COL11A1: variants seen among roughly 807,000 people sequenced by gnomAD.
COL11A1 encodes the protein collagen alpha-1(XI) chain.
A neutral mutation model predicts 265.2 loss-of-function variants in COL11A1; 74 were observed. The ratio of observed to expected loss-of-function variants is 0.28; its 90% CI spans 0.23 to 0.34. COL11A1 has a LOEUF of 0.34. Ranked by LOEUF, COL11A1 falls within the 10% of genes least tolerant of loss-of-function variation. The pLI, the probability that COL11A1 is intolerant of heterozygous loss-of-function variation, is 1.00. For synonymous variants in COL11A1, 816 were observed against 727.6 expected (o/e 1.12, Z -1.96); for missense variants, 2,165 against 2,263.6 (o/e 0.96, Z 0.88).
intron 63 of COL11A1, among the ~76,000 whole-genome samples, chr1:102,884,779 C>T (rs1650751200): frequency 6.6e-6 from 1 of 152,142 alleles, no homozygotes; most frequent in Non-Finnish European, 1.5e-5. Flanking sequence ...AAGGTCAAAC[C>T]ATGCACTTGA....
chr1:102,878,135 C>T lies in COL11A1; in HGVS notation c.5305G>A (p.Glu1769Lys), dbSNP rs1240823477. 6.2e-7 allele frequency: 1 copy of T among 1,612,790 alleles called. No homozygotes were observed. The highest frequency in any genetic ancestry group is 1.7e-5 in the Admixed American group (1 of 59,908). The change falls in exon 67 of 67, where the codon GAA becomes AAA. Residue 1769 changes from glutamate to lysine, a missense_variant. Glu to Lys is a moderately conservative substitution (Grantham distance 56). Transcript: ENST00000370096. ...SRKGYEKTVI[E>K]INTPKIDQVP... ...TGATCAATTTTTGGTGTATTGATTT[C>T]AATGACAGTCTTTTCATAGCCTTTT...
At chr1:103,014,731 C>T in intron 12 of COL11A1, 137 bp from the exon 13 acceptor site, 1 of 728,482 alleles carries the variant, frequency 1.4e-6, no homozygotes, top group African/African-American at 1.7e-5. Flanking sequence ...CGTAATGAAT[C>T]ATGAGATCTA....
chr1:102,960,349 A>T (rs1208090429), intron 41 of COL11A1, among the ~76,000 whole-genome samples: 1 of 152,134 alleles, frequency 6.6e-6, no homozygotes, highest in Non-Finnish European at 1.5e-5. Context: ...GTGTGAGATG[A>T]TTACTGTGCT....
chr1:103,065,337 G>T (rs1460967041), intron 4 of COL11A1, among the ~76,000 whole-genome samples: 1 of 151,826 alleles, frequency 6.6e-6, no homozygotes, highest in Non-Finnish European at 1.5e-5. Flanking sequence ...CGGCTAACAC[G>T]GTGAAACCCC....
intron 4 of COL11A1, among the ~76,000 whole-genome samples, chr1:103,054,242 C>T (rs377487592): frequency 1.6e-4 from 24 of 152,120 alleles, no homozygotes; most frequent in African/African-American, 5.3e-4. Flanking sequence ...AGATTCCAGA[C>T]AATATTTTCA....
chr1:102,915,268 C>T lies in COL11A1; in HGVS notation c.3816+363G>A, dbSNP rs534611545. Reference sequence around the variant, plus strand: ...ATTTCCTGGTGGGCAAATTTAATCGCGTTTTAAACTAATTAGAATAATATA... The same window carrying T: ...ATTTCCTGGTGGGCAAATTTAATCGTGTTTTAAACTAATTAGAATAATATA... On this transcript the variant is annotated intron_variant, in intron 50 of 66. Coordinates refer to ENST00000370096, the MANE Select transcript of COL11A1 (RefSeq NM_001854.4). Among the ~76,000 whole-genome samples the T allele has an allele frequency of 5.3e-5, 8 of 152,138 alleles. No individual in the cohort carries two copies. In the East Asian group the frequency reaches 1.2e-3, roughly 22 times the overall value.
chr1:103,009,005 T>C (rs918136633), intron 14 of COL11A1, among the ~76,000 whole-genome samples: 1 of 152,246 alleles, frequency 6.6e-6, no homozygotes, highest in Non-Finnish European at 1.5e-5. Context: ...AACCTGGTGT[T>C]ATTGATACTA....
At chr1:103,073,357 G>A (rs12749162) in intron 4 of COL11A1, among the ~76,000 whole-genome samples, 5,703 of 151,760 alleles carry the variant, frequency 0.038, 124 homozygotes, top group Middle Eastern at 0.092. Flanking sequence ...TGCAACTTAT[G>A]TTTATGAATA....
At chr1:102,923,863 T>C (rs938828208) in intron 46 of COL11A1, among the ~76,000 whole-genome samples, 1 of 152,114 alleles carries the variant, frequency 6.6e-6, no homozygotes, top group Non-Finnish European at 1.5e-5. Context: ...TAATTCAATT[T>C]CTGAATCTTA....
intron 54 of COL11A1, among the ~76,000 whole-genome samples, chr1:102,903,447 A>C (rs1287002827): frequency 7.9e-6 from 1 of 126,572 alleles, no homozygotes; most frequent in African/African-American, 2.7e-5. Flanking sequence ...AGATATTATA[A>C]AAAAAATTGT....
chr1:102,879,946 A>G, intron 65 of COL11A1, 30 bp from the exon 66 acceptor site: 1 of 1,402,116 alleles, frequency 7.1e-7, no homozygotes, highest in Middle Eastern at 1.8e-4. Flanking sequence ...AAGACACCTA[A>G]TGACTCTTTT....
chr1:102,950,040 A>G (rs1039803874), intron 41 of COL11A1, among the ~76,000 whole-genome samples: 1 of 152,194 alleles, frequency 6.6e-6, no homozygotes, highest in Non-Finnish European at 1.5e-5. Context: ...TCATGCCTGT[A>G]ATCTCAGCAC....
At chr1:102,906,626 CT>C (rs1654016067) in intron 54 of COL11A1, among the ~76,000 whole-genome samples, 1 of 152,066 alleles carries the variant, frequency 6.6e-6, no homozygotes, top group Non-Finnish European at 1.5e-5. Context: ...TCTCAAAGTC[CT>C]GGGCTTAAGC....
intron 3 of COL11A1, among the ~76,000 whole-genome samples, chr1:103,076,459 C>T (rs1312332287): frequency 6.6e-6 from 1 of 152,068 alleles, no homozygotes; most frequent in Admixed American, 6.5e-5. Context: ...ACAGGAGGGT[C>T]CCCTATCCTT....
intron 4 of COL11A1, among the ~76,000 whole-genome samples, chr1:103,056,823 A>G (rs1670288397): frequency 6.6e-6 from 1 of 151,096 alleles, no homozygotes; most frequent in Admixed American, 6.6e-5. Flanking sequence ...GTTGTCTATT[A>G]AATGTACAAA....
At chr1:102,910,017 G>C (rs1654453579) in intron 54 of COL11A1, among the ~76,000 whole-genome samples, 1 of 151,866 alleles carries the variant, frequency 6.6e-6, no homozygotes, top group Non-Finnish European at 1.5e-5. Flanking sequence ...ACATTATTAT[G>C]TCAAAATAGC....
intron 4 of COL11A1, among the ~76,000 whole-genome samples, chr1:103,034,877 T>C (rs1343782891): frequency 6.6e-6 from 1 of 152,116 alleles, no homozygotes. Context: ...TTTTTCTTTG[T>C]AGTTGTTGGT....
chr1:102,893,113 G>T (rs545936191), intron 57 of COL11A1, among the ~76,000 whole-genome samples: 1 of 152,190 alleles, frequency 6.6e-6, no homozygotes, highest in East Asian at 1.9e-4. Flanking sequence ...ATATAAATTT[G>T]AATTATTATC....
At chr1:102,930,886 G>A (rs1657335124) in intron 46 of COL11A1, among the ~76,000 whole-genome samples, 1 of 151,764 alleles carries the variant, frequency 6.6e-6, no homozygotes, top group African/African-American at 2.4e-5. Flanking sequence ...GCGTAGAGGT[G>A]TTTGCAGTAT....
Sources: gnomAD v4.1 joint callset for allele counts (sites outside exome capture counted in the v4.1 genomes callset) on GRCh38, gnomAD v4.1.1 for gene constraint, MANE v1.5 for transcripts, NCBI Gene and HGNC (gene_info 2026-07-23, HGNC 2026-07-21) for gene names.